MYO10: variants seen among roughly 807,000 people sequenced by gnomAD.
MYO10 encodes the protein myosin X.
Under a neutral mutation model 257.3 loss-of-function variants are expected in MYO10, and 133 were observed. The observed-to-expected ratio is 0.52, with a 90% CI of 0.45 to 0.60. The LOEUF is 0.60. Ranked by LOEUF, MYO10 falls within the 20% of genes least tolerant of loss-of-function variation. MYO10 has a pLI of 0.00. For synonymous variants in MYO10, 1,104 were observed against 1,028.6 expected (o/e 1.07, Z -1.40); for missense variants, 2,399 against 2,635.7 (o/e 0.91, Z 1.97).
intron 1 of MYO10, among the ~76,000 whole-genome samples, chr5:16,892,748 G>T (rs1466755605): frequency 6.6e-6 from 1 of 152,168 alleles, no homozygotes; most frequent in Non-Finnish European, 1.5e-5. Context: ...CATCCAGATG[G>T]CTTTCAGCCC....
intron 3 of MYO10, among the ~76,000 whole-genome samples, chr5:16,801,539 T>A (rs933027996): frequency 7.9e-5 from 12 of 152,126 alleles, no homozygotes; most frequent in Non-Finnish European, 2.9e-5. Flanking sequence ...GGTACATGGC[T>A]ATATTCCAAC....
chr5:16,787,389 C>T (rs903920678), intron 4 of MYO10, among the ~76,000 whole-genome samples: 5 of 151,938 alleles, frequency 3.3e-5, no homozygotes, highest in Non-Finnish European at 7.4e-5. Flanking sequence ...CCAGATGTCC[C>T]GAGATACTAA....
intron 1 of MYO10, among the ~76,000 whole-genome samples, chr5:16,894,950 T>A (rs1745176764): frequency 6.6e-6 from 1 of 151,140 alleles, no homozygotes; most frequent in African/African-American, 2.4e-5. Context: ...TTAATCACCC[T>A]CCATAAACTA....
At chr5:16,912,802 G>GCGCACA (rs374077433) in intron 1 of MYO10, among the ~76,000 whole-genome samples, 96 of 111,646 alleles carry the variant, frequency 8.6e-4, no homozygotes, top group Admixed American at 2.0e-3. Flanking sequence ...CTACCACCCT[G>GCGCACA]CACACACACA....
intron 3 of MYO10, among the ~76,000 whole-genome samples, chr5:16,817,792 T>C (rs760701474): frequency 6.6e-6 from 1 of 152,170 alleles, no homozygotes; most frequent in Non-Finnish European, 1.5e-5. Context: ...AGAAGGCCCT[T>C]CCACAGAAAG....
intron 2 of MYO10, among the ~76,000 whole-genome samples, chr5:16,835,489 G>T (rs1030680716): frequency 1.9e-5 from 2 of 105,412 alleles, no homozygotes; most frequent in East Asian, 6.6e-4. Context: ...GTCATTTTTG[G>T]CTGTTTTTTT....
chr5:16,891,412 C>A (rs1324981202), intron 1 of MYO10, among the ~76,000 whole-genome samples: 1 of 134,292 alleles, frequency 7.4e-6, no homozygotes, highest in South Asian at 2.5e-4. Flanking sequence ...GAGGGGCAGG[C>A]GGAGGGGAGA....
chr5:16,827,398 T>C (rs1049330041), intron 2 of MYO10, among the ~76,000 whole-genome samples: 1 of 152,180 alleles, frequency 6.6e-6, no homozygotes, highest in Non-Finnish European at 1.5e-5. Flanking sequence ...GCAATTCTCC[T>C]GGCTCAGCCT....
rs938075422 is a variant in MYO10, at chr5:16,826,186, C to T, written c.121-8019G>A. 3.3e-5 allele frequency among the ~76,000 whole-genome samples: 5 copies of T among 151,216 alleles called. 1 individual carries two copies. Among genetic ancestry groups the T allele is most frequent in the Admixed American group, 3.3e-4 (5 of 15,180 alleles). ...CATAGTAATAAAAAAAAAAACACAA[C>T]AAAAAAGAGTGGAATAAGAGGCAAA... On this transcript the variant is annotated intron_variant, in intron 2 of 40. Transcript: ENST00000513610.
intron 1 of MYO10, among the ~76,000 whole-genome samples, chr5:16,915,234 C>T (rs996090635): frequency 8.5e-5 from 13 of 152,146 alleles, no homozygotes; most frequent in African/African-American, 2.7e-4. Flanking sequence ...CAGAGTCCCA[C>T]CAGGGAACAC....
chr5:16,665,416 C>T lies in MYO10; in HGVS notation c.*1276G>A, dbSNP rs543516329. 1 of 152,236 alleles carries T rather than the reference C, an allele frequency of 6.6e-6. No homozygotes were observed. Among genetic ancestry groups the T allele is most frequent in the East Asian group, 1.9e-4 (1 of 5,188 alleles). The allele number at this position is 152,236 out of a possible 1,614,324, so 9.4% of individuals were successfully genotyped here. A position where few individuals can be genotyped will look rare whatever the true frequency, so the allele number is the denominator to read the frequency against. ...TTCGTGTGGGTAGACTTAGTTGGCC[C>T]AAGTCCTTAAAACTTTTCCATATAA... On this transcript the variant is annotated 3_prime_UTR_variant, in exon 41 of 41. Transcript: ENST00000513610.
chr5:16,902,547 T>C, intron 1 of MYO10: 2 of 1,582,228 alleles, frequency 1.3e-6, no homozygotes, highest in Non-Finnish European at 1.7e-6. Flanking sequence ...GGCCTTGTCC[T>C]TGGGCACGCA....
intron 25 of MYO10, 54 bp from the exon 26 acceptor site, chr5:16,699,627 C>T (rs747711383): frequency 5.6e-6 from 9 of 1,606,444 alleles, no homozygotes; most frequent in South Asian, 4.4e-5. Flanking sequence ...AAGCAAGCCA[C>T]GAAGATACCC....
chr5:16,898,998 G>C (rs1458667942), intron 1 of MYO10, among the ~76,000 whole-genome samples: 1 of 148,858 alleles, frequency 6.7e-6, no homozygotes, highest in African/African-American at 2.5e-5. Flanking sequence ...AGCTGGGCAT[G>C]GCGGTGGGTG....
chr5:16,872,479 G>A (rs1744480814), intron 2 of MYO10, among the ~76,000 whole-genome samples: 2 of 152,086 alleles, frequency 1.3e-5, no homozygotes, highest in South Asian at 4.1e-4. Context: ...CTTAACCCTA[G>A]TACCCTTAAA....
intron 27 of MYO10, among the ~76,000 whole-genome samples, chr5:16,693,183 AC>A (rs1737582734): frequency 6.6e-6 from 1 of 152,064 alleles, no homozygotes. Context: ...TGGGAGGATC[AC>A]CTGAGCCCAG....
At position 16,664,717 on chromosome 5, in the gene MYO10, T is replaced by C. The variant is rs2126438976; in HGVS notation, c.*1975A>G. On this transcript the variant is annotated 3_prime_UTR_variant, in exon 41 of 41. Transcript: ENST00000513610. ...TCCAGGGTTGCAAGATCAGGCACAC[T>C]TTGGGGCTGACATAGGGGACTGTCT... 6.6e-6 allele frequency: 1 copy of C among 152,356 alleles called. No homozygotes were observed. Among genetic ancestry groups the C allele is most frequent in the Admixed American group, 6.5e-5 (1 of 15,300 alleles). 9.4% of individuals were successfully genotyped at this position (152,356 alleles called of 1,614,324 possible).
intron 2 of MYO10, among the ~76,000 whole-genome samples, chr5:16,828,855 T>A (rs1029726928): frequency 3.3e-5 from 5 of 152,132 alleles, no homozygotes; most frequent in African/African-American, 1.2e-4. Context: ...TAACTGGGAC[T>A]ACAGGTGCAC....
chr5:16,778,587 C>T lies in MYO10; in HGVS notation c.930+958G>A, dbSNP rs144645305. Among the ~76,000 whole-genome samples the T allele has an allele frequency of 2.0e-3, 309 of 151,964 alleles. 2 individuals carry two copies. The highest frequency in any genetic ancestry group is 7.0e-3 in the African/African-American group (288 of 41,438). Reference sequence around the variant, plus strand: ...TGGGTGGGGCCACGGGGAATTCTTCCACGGGGAAGAGAAGCCTGCTCTCTT... The same window carrying T: ...TGGGTGGGGCCACGGGGAATTCTTCTACGGGGAAGAGAAGCCTGCTCTCTT... On this transcript the variant is annotated intron_variant, in intron 9 of 40. Coordinates refer to ENST00000513610, the MANE Select transcript of MYO10 (RefSeq NM_012334.3).
Sources: gnomAD v4.1 joint callset for allele counts (sites outside exome capture counted in the v4.1 genomes callset) on GRCh38, gnomAD v4.1.1 for gene constraint, MANE v1.5 for transcripts, NCBI Gene and HGNC (gene_info 2026-07-23, HGNC 2026-07-21) for gene names.